The following NPAS3 variants were observed in gnomAD, a reference collection of about 807,000 sequenced individuals.
The protein encoded by NPAS3 is neuronal PAS domain protein 3.
In NPAS3, 14 loss-of-function variants were observed where a neutral mutation model predicts 73.1. The observed-to-expected ratio is 0.19, with a 90% CI of 0.13 to 0.30. NPAS3 has a LOEUF of 0.30. NPAS3 is among the 10% of genes least tolerant of loss of function. The pLI is 1.00. For missense variants in NPAS3, 1,096 were observed against 1,250.0 expected (o/e 0.88, Z 1.86); for synonymous variants, 620 against 541.5 (o/e 1.14, Z -2.01).
chr14:33,165,816 C>G (rs1172753120), intron 2 of NPAS3, among the ~76,000 whole-genome samples: 1 of 152,058 alleles, frequency 6.6e-6, no homozygotes, highest in Non-Finnish European at 1.5e-5. Context: ...CTTTCTGTAG[C>G]AAACTTATTC....
At chr14:33,314,496 C>A in intron 3 of NPAS3, among the ~76,000 whole-genome samples, 1 of 151,958 alleles carries the variant, frequency 6.6e-6, no homozygotes, top group East Asian at 1.9e-4. Context: ...AAGGACCTGA[C>A]ACATGGTGAG....
intron 1 of NPAS3, among the ~76,000 whole-genome samples, chr14:33,049,835 A>G (rs1440929486): frequency 7.9e-5 from 12 of 152,222 alleles, no homozygotes; most frequent in Admixed American, 3.9e-4. Context: ...TCAGGGAGGT[A>G]AGAAGACAGA....
intron 4 of NPAS3, among the ~76,000 whole-genome samples, chr14:33,419,719 C>G (rs1419142627): frequency 6.6e-6 from 1 of 151,772 alleles, no homozygotes; most frequent in Non-Finnish European, 1.5e-5. Flanking sequence ...TGATAAGGAG[C>G]TAAGTATAAC....
At chr14:33,069,844 C>T (rs1485068686) in intron 2 of NPAS3, among the ~76,000 whole-genome samples, 3 of 152,106 alleles carry the variant, frequency 2.0e-5, no homozygotes, top group Non-Finnish European at 4.4e-5. Flanking sequence ...TGTCAAGTTA[C>T]CTGGTTAATG....
chr14:33,147,045 A>G (rs1481887288), intron 2 of NPAS3, among the ~76,000 whole-genome samples: 1 of 152,070 alleles, frequency 6.6e-6, no homozygotes, highest in Non-Finnish European at 1.5e-5. Flanking sequence ...AGATTTTTGT[A>G]TGTCAGGTTT....
chr14:33,215,461 T>A (rs191059970), intron 3 of NPAS3, 35 bp downstream of exon 3: 1 of 1,611,470 alleles, frequency 6.2e-7, no homozygotes, highest in Admixed American at 1.7e-5. Context: ...CTGAATATGA[T>A]GGTCTGTAGG....
intron 4 of NPAS3, among the ~76,000 whole-genome samples, chr14:33,476,581 T>G (rs554782994): frequency 6.6e-6 from 1 of 152,216 alleles, no homozygotes; most frequent in Non-Finnish European, 1.5e-5. Context: ...TATTCCCCAA[T>G]TTAAACATTT....
chr14:33,365,573 T>A (rs2045804691), intron 3 of NPAS3, among the ~76,000 whole-genome samples: 1 of 152,322 alleles, frequency 6.6e-6, no homozygotes, highest in Non-Finnish European at 1.5e-5. Context: ...GGAGTAGAGA[T>A]CTCTAAGATC....
chr14:33,624,429 A>C (rs934106478), intron 5 of NPAS3, among the ~76,000 whole-genome samples: 1 of 152,214 alleles, frequency 6.6e-6, no homozygotes, highest in Non-Finnish European at 1.5e-5. Context: ...TGAAATTGAC[A>C]TAAAATGTTG....
intron 3 of NPAS3, among the ~76,000 whole-genome samples, chr14:33,362,480 TC>T (rs1487729391): frequency 4.6e-5 from 7 of 152,178 alleles, no homozygotes; most frequent in Admixed American, 3.9e-4. Flanking sequence ...CCTTTCCTTT[TC>T]TTCTATGCCA....
chr14:33,790,280 G>A (rs2063319127), intron 9 of NPAS3, among the ~76,000 whole-genome samples: 2 of 152,142 alleles, frequency 1.3e-5, no homozygotes, highest in African/African-American at 2.4e-5. Context: ...GGAATTTTAT[G>A]AAATAAACTT....
intron 2 of NPAS3, among the ~76,000 whole-genome samples, chr14:33,180,558 G>C (rs919130459): frequency 6.6e-6 from 1 of 152,062 alleles, no homozygotes; most frequent in African/African-American, 2.4e-5. Flanking sequence ...CCAGCACTTT[G>C]GGAGGCCGAG....
chr14:33,230,843 A>AT (rs1469630744), intron 3 of NPAS3, among the ~76,000 whole-genome samples: 4 of 152,184 alleles, frequency 2.6e-5, no homozygotes, highest in African/African-American at 7.2e-5. Context: ...AACCAGGGGT[A>AT]TTTTTGCTCC....
intron 1 of NPAS3, among the ~76,000 whole-genome samples, chr14:32,999,520 A>T (rs77640291): frequency 6.6e-6 from 1 of 152,192 alleles, no homozygotes; most frequent in Non-Finnish European, 1.5e-5. Flanking sequence ...CAAAAAAAAA[A>T]AATAAAAGTT....
intron 5 of NPAS3, among the ~76,000 whole-genome samples, chr14:33,649,238 TACTC>T (rs2058920462): frequency 6.6e-6 from 1 of 152,190 alleles, no homozygotes; most frequent in Non-Finnish European, 1.5e-5. Flanking sequence ...TGTTCTCAAA[TACTC>T]ACATGGGGCT....
chr14:33,159,022 G>C (rs2139295495), intron 2 of NPAS3, among the ~76,000 whole-genome samples: 1 of 152,160 alleles, frequency 6.6e-6, no homozygotes, highest in East Asian at 1.9e-4. Context: ...AATTACCTGG[G>C]CATGGTGGCG....
chr14:33,623,347 A>G (rs1190575776), intron 5 of NPAS3, among the ~76,000 whole-genome samples: 2 of 152,214 alleles, frequency 1.3e-5, no homozygotes, highest in East Asian at 1.9e-4. Flanking sequence ...TTTCCCCTGC[A>G]GTCAAAGTGA....
At chr14:33,219,972 G>C (rs1007735708) in intron 3 of NPAS3, among the ~76,000 whole-genome samples, 2 of 152,136 alleles carry the variant, frequency 1.3e-5, no homozygotes, top group African/African-American at 4.8e-5. Context: ...TCTACCAAGT[G>C]ACATTCATGC....
At chr14:33,033,281 A>G (rs145017269) in intron 1 of NPAS3, among the ~76,000 whole-genome samples, 8,864 of 152,106 alleles carry the variant, frequency 0.058, 290 homozygotes, top group Middle Eastern at 0.068. Flanking sequence ...GAGTTCGAGA[A>G]CAGCCTGGCC....
Sources: gnomAD v4.1 joint callset for allele counts (sites outside exome capture counted in the v4.1 genomes callset) on GRCh38, gnomAD v4.1.1 for gene constraint, MANE v1.5 for transcripts, NCBI Gene and HGNC (gene_info 2026-07-23, HGNC 2026-07-21) for gene names.